The following PLBD1 variants were observed in gnomAD, a reference collection of about 807,000 sequenced individuals.
The protein encoded by PLBD1 is phospholipase B domain containing 1.
Under a neutral mutation model 63.0 loss-of-function variants are expected in PLBD1, and 60 were observed. The ratio of observed to expected loss-of-function variants is 0.95; its 90% CI spans 0.77 to 1.18. The LOEUF is 1.18. Ranked by LOEUF, PLBD1 falls within the 50% of genes most tolerant of loss-of-function variation. The pLI is 0.00. For missense variants in PLBD1, 598 were observed against 677.9 expected (o/e 0.88, Z 1.31); for synonymous variants, 262 against 248.0 (o/e 1.06, Z -0.53).
intron 1 of PLBD1, 100 bp downstream of exon 1, chr12:14,567,482 C>A (rs1945800102): frequency 2.2e-6 from 3 of 1,368,920 alleles, no homozygotes; most frequent in Non-Finnish European, 2.8e-6. Flanking sequence ...AGGAACCAGA[C>A]GCCCGCTGGA....
intron 4 of PLBD1, among the ~76,000 whole-genome samples, chr12:14,540,129 T>TATATATATATATATATATATATAC (rs1418609619): frequency 2.0e-4 from 27 of 137,100 alleles, no homozygotes; most frequent in Non-Finnish European, 4.2e-4. Flanking sequence ...TATATATATA[T>TATATATATATATATATATATATAC]ATACTGGCAA....
At chr12:14,505,480 T>C (rs1945246426) in intron 10 of PLBD1, among the ~76,000 whole-genome samples, 1 of 152,162 alleles carries the variant, frequency 6.6e-6, no homozygotes, top group Non-Finnish European at 1.5e-5. Context: ...CAACAATCTT[T>C]CTTTGTGAGG....
intron 6 of PLBD1, among the ~76,000 whole-genome samples, chr12:14,527,868 G>A (rs548971539): frequency 6.7e-6 from 1 of 150,166 alleles, no homozygotes; most frequent in Non-Finnish European, 1.5e-5. Context: ...AAAACAGTAA[G>A]CATAAGAAAG....
intron 1 of PLBD1, among the ~76,000 whole-genome samples, chr12:14,560,262 C>A (rs140027395): frequency 1.1e-3 from 168 of 152,304 alleles, no homozygotes; most frequent in African/African-American, 3.8e-3. Context: ...TTAAACTATT[C>A]TCTCCCATAT....
At chr12:14,523,058 A>T (rs1945389064) in intron 6 of PLBD1, among the ~76,000 whole-genome samples, 1 of 152,102 alleles carries the variant, frequency 6.6e-6, no homozygotes, top group African/African-American at 2.4e-5. Flanking sequence ...AAAAGGCAGA[A>T]ATCAAACTGT....
At chr12:14,556,614 C>T (rs1945706777) in intron 1 of PLBD1, among the ~76,000 whole-genome samples, 1 of 151,386 alleles carries the variant, frequency 6.6e-6, no homozygotes, top group Admixed American at 6.6e-5. Flanking sequence ...GGTGATCCGC[C>T]TGCCTCGGCC....
chr12:14,522,168 G>C (rs74532041), intron 6 of PLBD1, among the ~76,000 whole-genome samples: 9 of 152,188 alleles, frequency 5.9e-5, no homozygotes, highest in Non-Finnish European at 1.2e-4. Flanking sequence ...AGATGGAGAA[G>C]GGCACAGAAA....
intron 1 of PLBD1, among the ~76,000 whole-genome samples, chr12:14,566,034 C>G (rs1945777481): frequency 6.6e-6 from 1 of 152,170 alleles, no homozygotes; most frequent in Non-Finnish European, 1.5e-5. Context: ...CTGTCTCACT[C>G]CTCAGGCTGC....
chr12:14,557,452 C>T (rs1031558805), intron 1 of PLBD1, among the ~76,000 whole-genome samples: 1 of 152,054 alleles, frequency 6.6e-6, no homozygotes, highest in African/African-American at 2.4e-5. Context: ...AATTGTGGTA[C>T]ATATACAGCA....
chr12:14,550,654 G>A (rs1945649994), intron 2 of PLBD1, among the ~76,000 whole-genome samples: 1 of 152,050 alleles, frequency 6.6e-6, no homozygotes, highest in Non-Finnish European at 1.5e-5. Flanking sequence ...CAAGGCAGGT[G>A]GATCATCTGA....
chr12:14,511,492 ATT>A lies in PLBD1; in HGVS notation c.1045+17_1045+18del. 6 of 1,614,156 alleles carry A rather than the reference ATT, an allele frequency of 3.7e-6. No individual in the cohort carries two copies. Among genetic ancestry groups the A allele is most frequent in the Non-Finnish European group, 5.1e-6 (6 of 1,180,000 alleles). On this transcript the variant is annotated intron_variant, in intron 7 of 10. Coordinates refer to ENST00000240617, the MANE Select transcript of PLBD1 (RefSeq NM_024829.6). ...AAATATATGTCTGTGCCTAACAGTT[ATT>A]CTGCAGGGTCACTTACCAGAGTTGT... is the stretch of plus-strand genomic sequence containing the variant.
At chr12:14,528,399 A>G (rs1335782268) in intron 6 of PLBD1, among the ~76,000 whole-genome samples, 1 of 151,892 alleles carries the variant, frequency 6.6e-6, no homozygotes, top group African/African-American at 2.4e-5. Flanking sequence ...TGATCTCAGA[A>G]TAAATTAGAA....
chr12:14,531,822 G>A lies in PLBD1; in HGVS notation c.844+3837C>T, dbSNP rs183046157. Among the ~76,000 whole-genome samples the A allele has an allele frequency of 4.9e-3, 744 of 152,074 alleles. 1 individual carries two copies. The highest frequency in any genetic ancestry group is 9.4e-3 in the Admixed American group (143 of 15,274). On this transcript the variant is annotated intron_variant, in intron 6 of 10. Coordinates refer to ENST00000240617, the MANE Select transcript of PLBD1 (RefSeq NM_024829.6). ...GATTTTTTTGTATTTTTGCAGAGACGGGCTCTTGCCATGTTGCCCAGGTCT... is the reference window on the plus strand; with the variant it reads ...GATTTTTTTGTATTTTTGCAGAGACAGGCTCTTGCCATGTTGCCCAGGTCT...
chr12:14,551,034 C>A lies in PLBD1; in HGVS notation c.335+2159G>T, dbSNP rs137974788. On this transcript the variant is annotated intron_variant, in intron 2 of 10. Transcript: ENST00000240617. The stretch of plus-strand genomic sequence containing the variant: ...CTCCAGCCTGGTAACAGAGCAAGAC[C>A]CTGTCTTAAAATAAATAAATAAATA... 3.7e-3 allele frequency among the ~76,000 whole-genome samples: 561 copies of A among 151,558 alleles called. 2 individuals carry two copies. Among genetic ancestry groups the A allele is most frequent in the Middle Eastern group, 0.01 (3 of 294 alleles).
At chr12:14,522,932 G>C (rs918975016) in intron 6 of PLBD1, among the ~76,000 whole-genome samples, 1 of 152,006 alleles carries the variant, frequency 6.6e-6, no homozygotes, top group African/African-American at 2.4e-5. Flanking sequence ...AAAGTTGAAA[G>C]CTTTTCCTCT....
chr12:14,543,581 T>C (rs933769329), intron 2 of PLBD1, among the ~76,000 whole-genome samples: 1 of 151,844 alleles, frequency 6.6e-6, no homozygotes, highest in Non-Finnish European at 1.5e-5. Flanking sequence ...AAAAATTAGC[T>C]GGCCCTGGAG....
At chr12:14,546,562 C>T (rs1945618181) in intron 2 of PLBD1, among the ~76,000 whole-genome samples, 1 of 152,078 alleles carries the variant, frequency 6.6e-6, no homozygotes, top group Admixed American at 6.5e-5. Flanking sequence ...ATGATTTCTC[C>T]CTGTAAGGAG....
chr12:14,566,136 C>A (rs891963878), intron 1 of PLBD1, among the ~76,000 whole-genome samples: 2 of 152,172 alleles, frequency 1.3e-5, no homozygotes, highest in Admixed American at 1.3e-4. Flanking sequence ...ACAAAAGCTA[C>A]CTCCACTTTT....
chr12:14,513,905 A>G lies in PLBD1; in HGVS notation c.845-2194T>C, dbSNP rs189322410. The stretch of plus-strand genomic sequence containing the variant: ...CGCCATTCTCCTGCCTCAGCCTCCC[A>G]AGTAGCTGGGACTACAGGCGCCCGC... On this transcript the variant is annotated intron_variant, in intron 6 of 10. Coordinates refer to ENST00000240617, the MANE Select transcript of PLBD1 (RefSeq NM_024829.6). Among the ~76,000 whole-genome samples, 623 of 151,190 alleles carry G rather than the reference A, an allele frequency of 4.1e-3. 2 individuals carry two copies. The highest frequency in any genetic ancestry group is 0.017 in the Middle Eastern group (5 of 288).
Sources: allele counts gnomAD v4.1 joint callset (sites outside exome capture counted in the v4.1 genomes callset), GRCh38; gene constraint gnomAD v4.1.1; transcripts MANE v1.5; gene names NCBI Gene and HGNC (gene_info 2026-07-23, HGNC 2026-07-21).